The following ERBB4 variants were observed in gnomAD, a reference collection of about 807,000 sequenced individuals.
ERBB4 encodes the protein erb-b2 receptor tyrosine kinase 4, also known as receptor tyrosine-protein kinase erbB-4.
ERBB4 carries 42 observed loss-of-function variants against 158.0 expected under a neutral mutation model. The ratio of observed to expected loss-of-function variants is 0.27; its 90% CI spans 0.21 to 0.34. ERBB4 has a LOEUF of 0.34. Ranked by LOEUF, ERBB4 falls within the 10% of genes least tolerant of loss-of-function variation. The probability of loss-of-function intolerance (pLI) is 1.00; values close to 1 mark genes in which losing one functional copy is unlikely to be tolerated. For missense variants in ERBB4, 1,333 were observed against 1,624.1 expected (o/e 0.82, Z 3.08); for synonymous variants, 583 against 558.7 (o/e 1.04, Z -0.61).
chr2:211,708,251 G>A (rs1284826656), intron 9 of ERBB4, among the ~76,000 whole-genome samples: 1 of 152,080 alleles, frequency 6.6e-6, no homozygotes, highest in East Asian at 1.9e-4. Flanking sequence ...ATGCTGGCAT[G>A]ACAGTGAGAA....
At chr2:212,112,812 G>A (rs927556433) in intron 2 of ERBB4, among the ~76,000 whole-genome samples, 1 of 152,164 alleles carries the variant, frequency 6.6e-6, no homozygotes, top group Non-Finnish European at 1.5e-5. Flanking sequence ...TGAAACGTGA[G>A]TCTAAGGAAG....
rs1054445417 is a variant in ERBB4, at chr2:212,373,815, G to A, written c.82+164634C>T. 9.3e-3 allele frequency among the ~76,000 whole-genome samples: 711 copies of A among 76,160 alleles called. 37 individuals are homozygous for A. The highest frequency in any genetic ancestry group is 0.014 in the Non-Finnish European group (543 of 39,450). 50.0% of individuals were successfully genotyped at this position (76,160 alleles called of 152,430 possible). A position where few individuals can be genotyped will look rare whatever the true frequency, so the allele number is the denominator to read the frequency against. On this transcript the variant is annotated intron_variant, in intron 1 of 27. Transcript: ENST00000342788. ...TATATATATCCATATATATATCCAT[G>A]TATATATCCATATATATATATATCC...
At chr2:212,443,319 AAC>A (rs1464409247) in intron 1 of ERBB4, among the ~76,000 whole-genome samples, 2 of 152,248 alleles carry the variant, frequency 1.3e-5, no homozygotes, top group African/African-American at 4.8e-5. Flanking sequence ...GAAAATAGCA[AAC>A]ACACTGAACT....
intron 2 of ERBB4, among the ~76,000 whole-genome samples, chr2:212,123,175 G>GC (rs1277198528): frequency 6.6e-6 from 1 of 152,220 alleles, no homozygotes; most frequent in African/African-American, 2.4e-5. Flanking sequence ...GCCGAGGAGG[G>GC]CGGATTGCCT....
In ERBB4 at chr2:212,538,536, G is replaced by A; in HGVS notation, c.-6C>T. The stretch of plus-strand genomic sequence containing the variant: ...AGTCCTGTCGCCGGCTTCATTTTTT[G>A]GAAGTCTCAGATCCCGTGCTGACAA... On this transcript the variant is annotated 5_prime_UTR_variant, in exon 1 of 28. Coordinates refer to ENST00000342788, the MANE Select transcript of ERBB4 (RefSeq NM_005235.3). The A allele has an allele frequency of 1.2e-6, 2 of 1,613,680 alleles. No homozygotes were observed. Among genetic ancestry groups the A allele is most frequent in the East Asian group, 2.2e-5 (1 of 44,866 alleles).
chr2:212,002,972 T>A (rs755348224), intron 2 of ERBB4, among the ~76,000 whole-genome samples: 2 of 150,422 alleles, frequency 1.3e-5, no homozygotes, highest in Non-Finnish European at 3.0e-5. Context: ...GGCAGGAGAA[T>A]TGCTTGAACC....
chr2:212,432,080 G>A (rs1227072438), intron 1 of ERBB4, among the ~76,000 whole-genome samples: 1 of 152,134 alleles, frequency 6.6e-6, no homozygotes, highest in African/African-American at 2.4e-5. Context: ...AAAGGCAAAT[G>A]AAAAACAGGA....
chr2:212,206,083 C>T (rs7577276), intron 1 of ERBB4, among the ~76,000 whole-genome samples: 143,265 of 152,258 alleles, frequency 0.94, 67,454 homozygotes, highest in Non-Finnish European at 0.95. Context: ...AGCAGGGAAC[C>T]AATAAAGATT....
At chr2:211,535,769 A>G (rs1368866038) in intron 20 of ERBB4, 1 of 152,646 alleles carries the variant, frequency 6.6e-6, no homozygotes, top group African/African-American at 2.4e-5. Context: ...TACTAAAATC[A>G]TATGTGTCTG....
chr2:212,465,631 A>G (rs901868124), intron 1 of ERBB4, among the ~76,000 whole-genome samples: 2 of 152,122 alleles, frequency 1.3e-5, no homozygotes, highest in Admixed American at 6.6e-5. Flanking sequence ...GCTGTTAACC[A>G]TAGTAGCTGT....
chr2:212,430,900 G>C (rs2092013365), intron 1 of ERBB4, among the ~76,000 whole-genome samples: 1 of 152,078 alleles, frequency 6.6e-6, no homozygotes, highest in Non-Finnish European at 1.5e-5. Context: ...AGGAGAGACA[G>C]AGACAAAGAT....
intron 20 of ERBB4, among the ~76,000 whole-genome samples, chr2:211,493,533 C>T (rs1037205541): frequency 2.6e-5 from 4 of 151,304 alleles, no homozygotes; most frequent in South Asian, 2.1e-4. Context: ...GAAACTAAGA[C>T]ACAATGAATA....
chr2:212,413,581 T>C lies in ERBB4; in HGVS notation c.82+124868A>G, dbSNP rs138056335. ...TGGTTTGTATACCTTATTTGTCTTA[T>C]ATGTGTTAATAGAAAACATCTCAGT... On this transcript the variant is annotated intron_variant, in intron 1 of 27. Transcript: ENST00000342788. Among the ~76,000 whole-genome samples, 529 of 152,244 alleles carry C rather than the reference T, an allele frequency of 3.5e-3. 5 individuals carry two copies. The highest frequency in any genetic ancestry group is 0.012 in the African/African-American group (491 of 41,538).
chr2:211,681,602 T>G (rs553096129), intron 12 of ERBB4, among the ~76,000 whole-genome samples: 1 of 152,192 alleles, frequency 6.6e-6, no homozygotes, highest in African/African-American at 2.4e-5. Context: ...TTGATTCACA[T>G]TTTCCTAATG....
At chr2:211,730,404 CAA>C (rs1269491496) in intron 5 of ERBB4, among the ~76,000 whole-genome samples, 1 of 151,904 alleles carries the variant, frequency 6.6e-6, no homozygotes, top group Non-Finnish European at 1.5e-5. Flanking sequence ...TAAATTTAGG[CAA>C]AGTCTTTGTG....
At chr2:212,380,555 A>G (rs2090470457) in intron 1 of ERBB4, among the ~76,000 whole-genome samples, 1 of 150,970 alleles carries the variant, frequency 6.6e-6, no homozygotes, top group East Asian at 1.9e-4. Context: ...AATTGACATC[A>G]GGAATGCAGC....
intron 2 of ERBB4, among the ~76,000 whole-genome samples, chr2:212,107,826 G>C (rs2079277801): frequency 1.3e-5 from 2 of 152,224 alleles, no homozygotes; most frequent in Middle Eastern, 6.8e-3. Flanking sequence ...TTTATAAAGG[G>C]GAGTTTCCCT....
intron 5 of ERBB4, among the ~76,000 whole-genome samples, chr2:211,726,481 T>C (rs1216892306): frequency 6.6e-6 from 1 of 152,146 alleles, no homozygotes; most frequent in Non-Finnish European, 1.5e-5. Flanking sequence ...AGTTCCCTTA[T>C]CTCAATTAAT....
chr2:211,633,727 T>A (rs1024455257), intron 16 of ERBB4, among the ~76,000 whole-genome samples: 1 of 150,332 alleles, frequency 6.7e-6, no homozygotes, highest in Admixed American at 6.7e-5. Flanking sequence ...ATTAAAATTA[T>A]CTTAAACAAT....
Sources: gnomAD v4.1 joint callset for allele counts (sites outside exome capture counted in the v4.1 genomes callset) on GRCh38, gnomAD v4.1.1 for gene constraint, MANE v1.5 for transcripts, NCBI Gene and HGNC (gene_info 2026-07-23, HGNC 2026-07-21) for gene names.